The following UBE2E2 variants were observed in gnomAD, a reference collection of about 807,000 sequenced individuals.
UBE2E2 encodes the protein ubiquitin-conjugating enzyme E2 E2.
A neutral mutation model predicts 24.7 loss-of-function variants in UBE2E2; 6 were observed. That is an observed-to-expected ratio of 0.24 (90% CI 0.13 to 0.48). The LOEUF (loss-of-function observed/expected upper bound fraction) is 0.48, where lower values mean the gene tolerates loss of function less well. Ranked by LOEUF, UBE2E2 falls within the 20% of genes least tolerant of loss-of-function variation. The pLI is 0.99. For synonymous variants in UBE2E2, 104 were observed against 83.6 expected, an observed-to-expected ratio of 1.24 and a Z score of -1.33; for missense variants, 169 against 245.0, an observed-to-expected ratio of 0.69 and a Z score of 2.07.
At chr3:23,507,330 TG>T (rs1248428969) in intron 4 of UBE2E2, among the ~76,000 whole-genome samples, 3 of 152,136 alleles carry the variant, frequency 2.0e-5, no homozygotes, top group African/African-American at 7.2e-5. Flanking sequence ...CTCTCCCTCT[TG>T]GTGTTATATA....
At chr3:23,249,298 G>A (rs1463477356) in intron 3 of UBE2E2, among the ~76,000 whole-genome samples, 2 of 151,346 alleles carry the variant, frequency 1.3e-5, no homozygotes, top group African/African-American at 4.9e-5. Flanking sequence ...ACCTAATTCT[G>A]GAGTAAGATA....
At chr3:23,566,018 G>A (rs971001591) in intron 5 of UBE2E2, among the ~76,000 whole-genome samples, 3 of 152,152 alleles carry the variant, frequency 2.0e-5, no homozygotes, top group Non-Finnish European at 2.9e-5. Context: ...ATATTAATGC[G>A]TTGTTTTAAT....
chr3:23,411,024 T>TA (rs1023492809), intron 3 of UBE2E2, among the ~76,000 whole-genome samples: 1 of 151,936 alleles, frequency 6.6e-6, no homozygotes, highest in Non-Finnish European at 1.5e-5. Context: ...TTGAACAAAT[T>TA]AAAAAAAGAG....
intron 3 of UBE2E2, among the ~76,000 whole-genome samples, chr3:23,402,712 A>G (rs1226236081): frequency 6.6e-6 from 1 of 152,118 alleles, no homozygotes; most frequent in African/African-American, 2.4e-5. Context: ...CTCTAGTTAT[A>G]TGTTTTAAAT....
At chr3:23,254,833 G>C (rs1697670174) in intron 3 of UBE2E2, among the ~76,000 whole-genome samples, 1 of 152,074 alleles carries the variant, frequency 6.6e-6, no homozygotes. Flanking sequence ...GAAAGGCAGG[G>C]TGTGGCCAGA....
At chr3:23,254,901 G>A (rs1697671573) in intron 3 of UBE2E2, among the ~76,000 whole-genome samples, 3 of 151,324 alleles carry the variant, frequency 2.0e-5, no homozygotes, top group African/African-American at 7.3e-5. Context: ...CTTCTTTAAG[G>A]CTTTTTTTTT....
At chr3:23,353,864 T>C (rs1308347116) in intron 3 of UBE2E2, among the ~76,000 whole-genome samples, 3 of 152,200 alleles carry the variant, frequency 2.0e-5, no homozygotes, top group African/African-American at 4.8e-5. Flanking sequence ...AATGAGTTTC[T>C]TCACAGAATT....
At position 23,536,903 on chromosome 3, in the gene UBE2E2, G is replaced by A. The variant is rs139878300; in HGVS notation, c.508+4202G>A. Among the ~76,000 whole-genome samples, 23 of 152,248 alleles carry A rather than the reference G, an allele frequency of 1.5e-4. No individual in the cohort carries two copies. The East Asian group carries it at 3.5e-3, about 23-fold the overall frequency. On this transcript the variant is annotated intron_variant, in intron 5 of 5. Transcript: ENST00000396703. The stretch of plus-strand genomic sequence containing the variant: ...TACTAACAGTGTGACATAAGTCCTC[G>A]TTTAATGTCATCAGTAGGTTCTTAG...
intron 5 of UBE2E2, among the ~76,000 whole-genome samples, chr3:23,587,334 AC>A (rs998015532): frequency 3.3e-5 from 5 of 151,200 alleles, no homozygotes; most frequent in African/African-American, 1.2e-4. Flanking sequence ...GTTTCCCTCC[AC>A]CCCCTTTGAG....
intron 3 of UBE2E2, among the ~76,000 whole-genome samples, chr3:23,396,310 T>TAG (rs1697073824): frequency 8.7e-6 from 1 of 115,566 alleles, no homozygotes; most frequent in Non-Finnish European, 1.8e-5. Flanking sequence ...TTTTTATATA[T>TAG]ATATATATGT....
rs373218977 is a variant in UBE2E2, at chr3:23,516,338, G to A, written c.361-16216G>A. On this transcript the variant is annotated intron_variant, in intron 4 of 5. Coordinates refer to ENST00000396703, the MANE Select transcript of UBE2E2 (RefSeq NM_152653.4). ...CTTGAGTTTGTGAGATTACTTCAGTGAAACTGCATTATAACTGTGAACCAA... is the reference window on the plus strand; with the variant it reads ...CTTGAGTTTGTGAGATTACTTCAGTAAAACTGCATTATAACTGTGAACCAA... Among the ~76,000 whole-genome samples, 11 of 152,208 alleles carry A rather than the reference G, an allele frequency of 7.2e-5. No individual in the cohort carries two copies. The East Asian group carries it at 9.6e-4, about 13-fold the overall frequency.
intron 3 of UBE2E2, among the ~76,000 whole-genome samples, chr3:23,259,348 A>G (rs1697834368): frequency 6.6e-6 from 1 of 152,162 alleles, no homozygotes; most frequent in Admixed American, 6.5e-5. Flanking sequence ...ATGGTTTGGC[A>G]AGAGGTTAGG....
intron 3 of UBE2E2, among the ~76,000 whole-genome samples, chr3:23,409,002 AGATTATTAAT>A (rs150290141): frequency 0.029 from 4,382 of 152,244 alleles, 108 homozygotes; most frequent in East Asian, 0.13. Flanking sequence ...TATCCAAAGC[AGATTATTAAT>A]GATTATTACA....
chr3:23,359,332 A>G (rs71322173), intron 3 of UBE2E2, among the ~76,000 whole-genome samples: 10,771 of 152,244 alleles, frequency 0.071, 503 homozygotes, highest in Non-Finnish European at 0.088. Context: ...TCAACAAGAT[A>G]AGAGTTGTAC....
At chr3:23,419,343 A>C (rs1375615378) in intron 3 of UBE2E2, among the ~76,000 whole-genome samples, 3 of 152,148 alleles carry the variant, frequency 2.0e-5, no homozygotes, top group Non-Finnish European at 4.4e-5. Flanking sequence ...TGATGGTTCT[A>C]ATATGGGAAG....
chr3:23,383,474 T>C (rs62253411), intron 3 of UBE2E2, among the ~76,000 whole-genome samples: 962 of 52,012 alleles, frequency 0.018, 22 homozygotes, highest in East Asian at 0.15. Context: ...TTTATCCCCC[T>C]TTTTTTTTTT....
In UBE2E2 at chr3:23,221,384, C is replaced by G. The variant is rs1026329562; in HGVS notation, c.227+4072C>G. ...CTCGGAGTTTTGTAATCATCACAGT[C>G]TGTTTTGCAATATTTTGATACCTCC... On this transcript the variant is annotated intron_variant, in intron 3 of 5. Transcript: ENST00000396703. Among the ~76,000 whole-genome samples the G allele has an allele frequency of 1.2e-4, 18 of 152,110 alleles. No individual in the cohort carries two copies. In the East Asian group the frequency reaches 3.3e-3, roughly 28 times the overall value.
At chr3:23,248,154 A>G (rs193063174) in intron 3 of UBE2E2, among the ~76,000 whole-genome samples, 4 of 152,348 alleles carry the variant, frequency 2.6e-5, no homozygotes, top group South Asian at 2.1e-4. Flanking sequence ...CAAAAAAGCA[A>G]TTAGTGTCCT....
At chr3:23,387,582 G>A (rs1469009109) in intron 3 of UBE2E2, among the ~76,000 whole-genome samples, 2 of 152,108 alleles carry the variant, frequency 1.3e-5, no homozygotes, top group East Asian at 1.9e-4. Flanking sequence ...TGGCAATTTT[G>A]TATAAAATTA....
Sources: gnomAD v4.1 joint callset for allele counts (sites outside exome capture counted in the v4.1 genomes callset) on GRCh38, gnomAD v4.1.1 for gene constraint, MANE v1.5 for transcripts, NCBI Gene and HGNC (gene_info 2026-07-23, HGNC 2026-07-21) for gene names.